PDE1A: variants seen among roughly 807,000 people sequenced by gnomAD.
PDE1A encodes the protein phosphodiesterase 1A.
A neutral mutation model predicts 61.7 loss-of-function variants in PDE1A; 35 were observed. The observed-to-expected ratio is 0.57, with a 90% confidence interval of 0.43 to 0.75. The LOEUF (loss-of-function observed/expected upper bound fraction) is 0.75. Ranked by LOEUF, PDE1A falls within the 30% of genes least tolerant of loss-of-function variation. The probability of loss-of-function intolerance (pLI) is 0.00; values close to 1 mark genes in which losing one functional copy is unlikely to be tolerated. For missense variants in PDE1A, 597 were observed against 630.6 expected (o/e 0.95, Z 0.57); for synonymous variants, 232 against 213.2 (o/e 1.09, Z -0.77).
At chr2:182,175,966 C>G (rs1431374022) in intron 13 of PDE1A, among the ~76,000 whole-genome samples, 12 of 141,814 alleles carry the variant, frequency 8.5e-5, no homozygotes, top group African/African-American at 2.8e-4. Flanking sequence ...GCTTGTTTTT[C>G]TCAGGTTTGT....
the PDE1A span, among the ~76,000 whole-genome samples, chr2:182,569,258 T>TATATATATATATATATATATATAC: frequency 4.1e-5 from 6 of 145,546 alleles, no homozygotes; most frequent in South Asian, 8.6e-4. Context: ...GTCTCAAATA[T>TATATATATATATATATATATATAC]ATATATATAT....
At chr2:182,270,275 A>G (rs1238964320) in intron 1 of PDE1A, among the ~76,000 whole-genome samples, 1 of 152,192 alleles carries the variant, frequency 6.6e-6, no homozygotes, top group Non-Finnish European at 1.5e-5. Context: ...TTGAACAAAG[A>G]GTACTGAGTT....
chr2:182,658,010 G>A, the PDE1A span, among the ~76,000 whole-genome samples: 4 of 120,344 alleles, frequency 3.3e-5, no homozygotes, highest in African/African-American at 1.3e-4. Flanking sequence ...CATAATGTGT[G>A]TATCGCATAG....
At chr2:182,650,254 C>A in the PDE1A span, among the ~76,000 whole-genome samples, 2 of 152,132 alleles carry the variant, frequency 1.3e-5, no homozygotes, top group East Asian at 1.9e-4. Flanking sequence ...AGAATGCAAT[C>A]ACTGAAATGC....
intron 10 of PDE1A, among the ~76,000 whole-genome samples, chr2:182,189,719 G>A (rs3769795): frequency 6.6e-6 from 1 of 152,108 alleles, no homozygotes; most frequent in Non-Finnish European, 1.5e-5. Context: ...TTATATTGGG[G>A]TTTTACTTCA....
At chr2:182,573,223 T>C in the PDE1A span, among the ~76,000 whole-genome samples, 1 of 152,044 alleles carries the variant, frequency 6.6e-6, no homozygotes, top group Non-Finnish European at 1.5e-5. Context: ...TAGCAAACTG[T>C]GGGAGGAAAA....
intron 13 of PDE1A, among the ~76,000 whole-genome samples, chr2:182,150,937 C>T (rs1360161495): frequency 6.6e-6 from 1 of 152,114 alleles, no homozygotes; most frequent in Non-Finnish European, 1.5e-5. Flanking sequence ...CAGGGTCTCA[C>T]TAACTATCTG....
chr2:182,601,348 C>A, the PDE1A span, among the ~76,000 whole-genome samples: 1 of 152,202 alleles, frequency 6.6e-6, no homozygotes, highest in African/African-American at 2.4e-5. Flanking sequence ...CCAACTGGCA[C>A]CAAGGAATTC....
exon 15 of PDE1A, chr2:182,141,050 A>T (rs944296830): frequency 6.6e-5 from 10 of 151,804 alleles, no homozygotes; most frequent in East Asian, 1.9e-4. Context: ...ACAGAAATTG[A>T]TGAATTCTTT....
chr2:182,197,270 T>C (rs887890413), intron 10 of PDE1A, among the ~76,000 whole-genome samples: 3 of 151,858 alleles, frequency 2.0e-5, no homozygotes, highest in African/African-American at 7.2e-5. Flanking sequence ...TTTTTACTAT[T>C]GATTTGTTGG....
intron 2 of PDE1A, among the ~76,000 whole-genome samples, chr2:182,480,095 G>C (rs959891465): frequency 6.6e-6 from 1 of 151,790 alleles, no homozygotes; most frequent in African/African-American, 2.4e-5. Context: ...GGACAAAAAA[G>C]CTTTACCATC....
At chr2:182,368,357 C>T (rs1699949708) in intron 1 of PDE1A, among the ~76,000 whole-genome samples, 1 of 133,410 alleles carries the variant, frequency 7.5e-6, no homozygotes, top group Non-Finnish European at 1.6e-5. Context: ...AAAGGCCAGA[C>T]ATTGCATTTG....
intron 2 of PDE1A, among the ~76,000 whole-genome samples, chr2:182,256,533 A>T (rs1438604667): frequency 6.6e-6 from 1 of 152,080 alleles, no homozygotes; most frequent in Non-Finnish European, 1.5e-5. Context: ...AAGGACTATA[A>T]ATCATGCTGC....
At chr2:182,513,398 C>T (rs10175845) in intron 2 of PDE1A, among the ~76,000 whole-genome samples, 51,128 of 152,016 alleles carry the variant, frequency 0.34, 9,842 homozygotes, top group East Asian at 0.59. Context: ...CAAGCAAATG[C>T]TAAGGGAATT....
the PDE1A span, among the ~76,000 whole-genome samples, chr2:182,660,372 T>C: frequency 2.0e-5 from 3 of 152,186 alleles, no homozygotes; most frequent in East Asian, 1.9e-4. Context: ...TCTGTGATAA[T>C]TGGAATCCTA....
At chr2:182,369,937 G>A (rs1404627662) in intron 1 of PDE1A, among the ~76,000 whole-genome samples, 2 of 152,212 alleles carry the variant, frequency 1.3e-5, no homozygotes, top group Non-Finnish European at 2.9e-5. Flanking sequence ...CACTTTGGGA[G>A]GCTGAGGCAG....
intron 2 of PDE1A, among the ~76,000 whole-genome samples, chr2:182,443,851 G>A (rs1684957182): frequency 6.6e-6 from 1 of 151,690 alleles, no homozygotes; most frequent in Admixed American, 6.6e-5. Context: ...TTACAGGCAT[G>A]CGCCACCATG....
downstream of PDE1A, among the ~76,000 whole-genome samples, chr2:182,145,745 A>G (rs1262603370): frequency 6.6e-6 from 1 of 152,140 alleles, no homozygotes; most frequent in Non-Finnish European, 1.5e-5. Flanking sequence ...TAAAAAAAGA[A>G]AAATGCAAAA....
At chr2:182,572,671 C>A in the PDE1A span, among the ~76,000 whole-genome samples, 1 of 151,932 alleles carries the variant, frequency 6.6e-6, no homozygotes, top group Non-Finnish European at 1.5e-5. Context: ...GAGATCGAGA[C>A]CATCCTGGCT....
Sources: allele counts gnomAD v4.1 joint callset (sites outside exome capture counted in the v4.1 genomes callset), GRCh38; gene constraint gnomAD v4.1.1; transcripts MANE v1.5; gene names NCBI Gene and HGNC (gene_info 2026-07-23, HGNC 2026-07-21).